IL1RAPL1: variants seen among roughly 807,000 people sequenced by gnomAD.
IL1RAPL1 encodes interleukin 1 receptor accessory protein like 1, also known as interleukin-1 receptor accessory protein-like 1.
A neutral mutation model predicts 48.4 loss-of-function variants in IL1RAPL1; 3 were observed. The ratio of observed to expected loss-of-function variants is 0.06; its 90% CI spans 0.03 to 0.16. The LOEUF is 0.16. Ranked by LOEUF, IL1RAPL1 falls within the 10% of genes least tolerant of loss-of-function variation. IL1RAPL1 has a pLI of 1.00. For missense variants in IL1RAPL1, 349 were observed against 530.6 expected, an observed-to-expected ratio of 0.66 and a Z score of 3.36; for synonymous variants, 185 against 187.7, an observed-to-expected ratio of 0.99 and a Z score of 0.12.
chrX:29,596,360 G>A lies in IL1RAPL1; in HGVS notation c.704-72070G>A, dbSNP rs186768445. Among the ~76,000 whole-genome samples the A allele has an allele frequency of 2.7e-5, 3 of 112,273 alleles. No individual in the cohort carries two copies. The Admixed American group carries it at 2.8e-4, about 11-fold the overall frequency. On this transcript the variant is annotated intron_variant, in intron 5 of 10. Transcript: ENST00000378993. Reference sequence around the variant, plus strand: ...CACAATATTGATTCTACTCATCCATGAGCATAGTATGTGTTTCTATTTGTT... The same window carrying A: ...CACAATATTGATTCTACTCATCCATAAGCATAGTATGTGTTTCTATTTGTT...
At chrX:29,846,801 TACACACAC>T (rs5901934) in intron 6 of IL1RAPL1, among the ~76,000 whole-genome samples, 1 of 99,555 alleles carries the variant, frequency 1.0e-5, no homozygotes, top group Non-Finnish European at 2.0e-5. Flanking sequence ...TATATGTATA[TACACACAC>T]ACACACACAC....
intron 6 of IL1RAPL1, among the ~76,000 whole-genome samples, chrX:29,872,414 T>C (rs1420315541): frequency 4.5e-5 from 5 of 111,881 alleles, no homozygotes; most frequent in African/African-American, 1.6e-4. Context: ...ATCAGACAAT[T>C]ACTCAATAAG....
intron 6 of IL1RAPL1, among the ~76,000 whole-genome samples, chrX:29,861,981 T>C (rs1931594905): frequency 9.1e-6 from 1 of 110,168 alleles, no homozygotes; most frequent in Admixed American, 9.7e-5. Context: ...GATGGGAGGA[T>C]TGCTTGAGCC....
At chrX:29,372,935 A>G (rs1449349676) in intron 3 of IL1RAPL1, among the ~76,000 whole-genome samples, 1 of 110,524 alleles carries the variant, frequency 9.0e-6, no homozygotes, top group East Asian at 2.8e-4. Flanking sequence ...CATGGATTTT[A>G]GAATCGTTTT....
intron 1 of IL1RAPL1, among the ~76,000 whole-genome samples, chrX:28,590,492 G>A (rs1933896284): frequency 9.0e-6 from 1 of 111,271 alleles, no homozygotes; most frequent in East Asian, 2.8e-4. Flanking sequence ...TGATATTTGA[G>A]GTGACTTTCA....
chrX:28,886,148 A>G (rs1216988927), intron 2 of IL1RAPL1, among the ~76,000 whole-genome samples: 1 of 110,490 alleles, frequency 9.1e-6, no homozygotes, highest in Non-Finnish European at 1.9e-5. Flanking sequence ...TGCTGGATTA[A>G]GTGATATACC....
chrX:29,771,070 C>T (rs1189147198), intron 6 of IL1RAPL1, among the ~76,000 whole-genome samples: 1 of 112,054 alleles, frequency 8.9e-6, no homozygotes, highest in African/African-American at 3.2e-5. Context: ...ATAATGCTGG[C>T]CTTGTAGTTT....
rs5943602 is a variant in IL1RAPL1 at position 29,147,237 on chromosome X, C to A, written c.83-135701C>A. Among the ~76,000 whole-genome samples, 431 of 112,100 alleles carry A rather than the reference C, an allele frequency of 3.8e-3. 5 individuals carry two copies. The highest frequency in any genetic ancestry group is 0.014 in the African/African-American group (421 of 30,926). On this transcript the variant is annotated intron_variant, in intron 2 of 10. Coordinates refer to ENST00000378993, the MANE Select transcript of IL1RAPL1 (RefSeq NM_014271.4). ...ACAGCCCAAGGATTCTGTGAAGTAACAAAATTGGCTGTTACAGATTATAGC... is the reference window on the plus strand; with the variant it reads ...ACAGCCCAAGGATTCTGTGAAGTAAAAAAATTGGCTGTTACAGATTATAGC...
At chrX:29,417,637 G>A (rs1332704407) in intron 5 of IL1RAPL1, among the ~76,000 whole-genome samples, 3 of 111,468 alleles carry the variant, frequency 2.7e-5, no homozygotes, top group Non-Finnish European at 3.8e-5. Flanking sequence ...TACAAATATC[G>A]TGGACAATGT....
intron 8 of IL1RAPL1, among the ~76,000 whole-genome samples, chrX:29,928,905 C>A (rs1321794733): frequency 9.0e-6 from 1 of 111,224 alleles, no homozygotes; most frequent in Admixed American, 9.6e-5. Context: ...AGGGAGAAAA[C>A]GTGTTGATTT....
chrX:29,394,817 C>G (rs1288120971), intron 3 of IL1RAPL1, among the ~76,000 whole-genome samples: 1 of 111,547 alleles, frequency 9.0e-6, no homozygotes, highest in African/African-American at 3.3e-5. Flanking sequence ...TATCTTTCAT[C>G]TAATTGTAGG....
chrX:29,197,074 CT>C (rs1460440409), intron 2 of IL1RAPL1, among the ~76,000 whole-genome samples: 2 of 110,509 alleles, frequency 1.8e-5, no homozygotes, highest in Non-Finnish European at 3.8e-5. Flanking sequence ...TCCCTTCAGT[CT>C]TGTTGGCCCT....
chrX:29,008,162 C>T (rs1391042988), intron 2 of IL1RAPL1, among the ~76,000 whole-genome samples: 5 of 108,881 alleles, frequency 4.6e-5, no homozygotes, highest in African/African-American at 1.7e-4. Flanking sequence ...GCACCAGGCC[C>T]GGATAATTTT....
chrX:29,621,689 A>T (rs1377587983), intron 5 of IL1RAPL1, among the ~76,000 whole-genome samples: 3 of 111,786 alleles, frequency 2.7e-5, no homozygotes, highest in Non-Finnish European at 5.7e-5. Context: ...TGACAATTTA[A>T]TATATTCATA....
intron 5 of IL1RAPL1, among the ~76,000 whole-genome samples, chrX:29,432,377 C>A (rs1213087199): frequency 9.0e-6 from 1 of 111,347 alleles, no homozygotes; most frequent in Admixed American, 9.6e-5. Context: ...CAAGATAGTA[C>A]CCCTACCTCT....
chrX:29,459,682 G>A (rs1370211981), intron 5 of IL1RAPL1, among the ~76,000 whole-genome samples: 1 of 111,768 alleles, frequency 8.9e-6, no homozygotes, highest in African/African-American at 3.3e-5. Flanking sequence ...TGTACAACAT[G>A]TTTTGAAATA....
intron 2 of IL1RAPL1, among the ~76,000 whole-genome samples, chrX:28,812,302 C>T (rs1223047830): frequency 1.8e-5 from 2 of 110,090 alleles, no homozygotes; most frequent in Non-Finnish European, 1.9e-5. Flanking sequence ...CTTTTTAATT[C>T]AATTATATTG....
At chrX:29,761,058 A>G (rs1928739727) in intron 6 of IL1RAPL1, among the ~76,000 whole-genome samples, 1 of 112,151 alleles carries the variant, frequency 8.9e-6, no homozygotes. Context: ...TTTGCACAAG[A>G]AAACACTGAA....
intron 6 of IL1RAPL1, among the ~76,000 whole-genome samples, chrX:29,876,530 A>G (rs1275310857): frequency 8.9e-6 from 1 of 112,066 alleles, no homozygotes; most frequent in African/African-American, 3.2e-5. Context: ...AACTAAATTG[A>G]ATGACAACAC....
Sources: gnomAD v4.1 joint callset for allele counts (sites outside exome capture counted in the v4.1 genomes callset) on GRCh38, gnomAD v4.1.1 for gene constraint, MANE v1.5 for transcripts, NCBI Gene and HGNC (gene_info 2026-07-23, HGNC 2026-07-21) for gene names.